The following MCF2L variants were observed in gnomAD, a reference collection of about 807,000 sequenced individuals.
The protein encoded by MCF2L is MCF.2 cell line derived transforming sequence like, also known as guanine nucleotide exchange factor DBS.
In MCF2L, 97 loss-of-function variants were observed where a neutral mutation model predicts 153.4. The observed-to-expected ratio is 0.63, with a 90% CI of 0.54 to 0.75. MCF2L has a LOEUF of 0.75. MCF2L is among the 30% of genes least tolerant of loss of function. The pLI is 0.00. For synonymous variants in MCF2L, 659 were observed against 632.2 expected (o/e 1.04, Z -0.64); for missense variants, 1,347 against 1,495.2 (o/e 0.90, Z 1.64).
rs1230929741 is a variant in MCF2L, at chr13:112,983,051, G to T, written c.79+13593G>T. 1.3e-5 allele frequency among the ~76,000 whole-genome samples: 2 copies of T among 152,120 alleles called. No homozygotes were observed. The highest frequency in any genetic ancestry group is 2.9e-5 in the Non-Finnish European group (2 of 68,012). On this transcript the variant is annotated intron_variant, in intron 1 of 29. Coordinates refer to ENST00000535094, the MANE Select transcript of MCF2L (RefSeq NM_001112732.3). This position sits in a 1 kb window ranked among gnomAD's most constrained non-coding sequence, Gnocchi z 4.0. ...AAAGCACTTCCTGATGCCTTTGGGT[G>T]TGGAAAGTGGTGGGGGCAGCCAGGC...
intron 1 of MCF2L, among the ~76,000 whole-genome samples, chr13:112,990,011 A>C (rs2082836495): frequency 6.6e-6 from 1 of 152,188 alleles, no homozygotes; most frequent in South Asian, 2.1e-4. Context: ...ATCAAACGCC[A>C]CTGCTGATCT....
intron 15 of MCF2L, among the ~76,000 whole-genome samples, chr13:113,079,401 C>A (rs1469934933): frequency 6.7e-6 from 1 of 150,274 alleles, no homozygotes; most frequent in Non-Finnish European, 1.5e-5. Context: ...AGGCCACACA[C>A]CGACCAGGCA....
chr13:112,961,186 C>A (rs916046010), intron 2 of MCF2L, among the ~76,000 whole-genome samples: 1 of 152,118 alleles, frequency 6.6e-6, no homozygotes, highest in Non-Finnish European at 1.5e-5. Flanking sequence ...TCTGAAGATG[C>A]GGGCTGCTAA....
At position 113,041,958 on chromosome 13, in the gene MCF2L, A is replaced by T. The variant is rs537194637; in HGVS notation, c.279-3313A>T. Among the ~76,000 whole-genome samples the T allele has an allele frequency of 1.2e-4, 19 of 152,284 alleles. 1 individual carries two copies. The highest frequency in any genetic ancestry group is 4.1e-4 in the African/African-American group (17 of 41,546). Reference sequence around the variant, plus strand: ...GCTATGTGACTTTGGGCAAGTGACTAAAGCTCTCTGTGCCTGGAGAGGATC... The same window carrying T: ...GCTATGTGACTTTGGGCAAGTGACTTAAGCTCTCTGTGCCTGGAGAGGATC... On this transcript the variant is annotated intron_variant, in intron 3 of 29. Transcript: ENST00000535094.
rs751937624 is a variant in MCF2L, at chr13:113,088,328, C to A, written c.2690C>A (p.Ala897Glu). 1 of 1,613,790 alleles carries A rather than the reference C, an allele frequency of 6.2e-7. No individual in the cohort carries two copies. Among genetic ancestry groups the A allele is most frequent in the Non-Finnish European group, 8.5e-7 (1 of 1,179,872 alleles). ...CTGGCGTTTCTTTTGGGGAAACAGG[C>A]GCCAACTCCTGAGATTAAAGCCGCG... ...NAREEVYIVQAPTPEIKAAWV... is the reference protein window; with the variant it reads ...NAREEVYIVQEPTPEIKAAWV... The change falls in exon 24 of 30, where the codon GCG becomes GAG. Residue 897 changes from alanine (A) to glutamate (E), a missense_variant and splice_region_variant. Coordinates refer to ENST00000535094, the MANE Select transcript of MCF2L (RefSeq NM_001112732.3).
At chr13:112,899,330 G>T (rs944670174) in intron 1 of MCF2L, among the ~76,000 whole-genome samples, 5 of 152,216 alleles carry the variant, frequency 3.3e-5, no homozygotes, top group Admixed American at 6.5e-5. Context: ...GCTTCTCAAG[G>T]TTTTGCCCAG....
At chr13:113,000,601 C>A (rs1322842546) in intron 1 of MCF2L, among the ~76,000 whole-genome samples, 1 of 152,210 alleles carries the variant, frequency 6.6e-6, no homozygotes, top group East Asian at 1.9e-4. Flanking sequence ...CAGGGCCTGG[C>A]GAGGCCACGC....
intron 4 of MCF2L, among the ~76,000 whole-genome samples, chr13:113,056,329 T>G (rs1197277765): frequency 7.8e-5 from 10 of 128,348 alleles, no homozygotes; most frequent in South Asian, 2.6e-4. Context: ...GTGCTGAGTG[T>G]TTCGGTGCTG....
chr13:113,004,775 C>T (rs951848913), intron 1 of MCF2L, among the ~76,000 whole-genome samples: 3 of 152,230 alleles, frequency 2.0e-5, no homozygotes, highest in African/African-American at 7.2e-5. Flanking sequence ...GGTGATGACA[C>T]CAAGCACACG....
At chr13:113,021,934 G>C (rs72661990) in intron 2 of MCF2L, among the ~76,000 whole-genome samples, 27,624 of 152,156 alleles carry the variant, frequency 0.18, 2,674 homozygotes, top group East Asian at 0.29. Flanking sequence ...CCAACTGAAC[G>C]AGGCTGTGCG....
intron 4 of MCF2L, among the ~76,000 whole-genome samples, chr13:113,055,383 CACACACACACA>C (rs2087680400): frequency 4.1e-4 from 1 of 2,440 alleles, no homozygotes; most frequent in Non-Finnish European, 1.6e-3. Flanking sequence ...CCCCCCCCGC[CACACACACACA>C]CACACACACA....
intron 2 of MCF2L, among the ~76,000 whole-genome samples, chr13:112,913,253 G>A (rs895083402): frequency 1.3e-5 from 2 of 150,238 alleles, no homozygotes; most frequent in African/African-American, 2.5e-5. Context: ...TGTGTCTGGT[G>A]TATCTCTGTG....
chr13:113,010,172 TTC>T (rs1165983009), intron 1 of MCF2L: 1 of 123,928 alleles, frequency 8.1e-6, no homozygotes, highest in African/African-American at 3.1e-5. Context: ...CCAGTCCCCG[TTC>T]TCTCTGCTGC....
intron 2 of MCF2L, among the ~76,000 whole-genome samples, chr13:112,940,394 C>A (rs771063386): frequency 6.6e-6 from 1 of 152,322 alleles, no homozygotes; most frequent in South Asian, 2.1e-4. Flanking sequence ...GAACTGAATG[C>A]AGAATTCCGG....
intron 2 of MCF2L, 140 bp downstream of exon 2, chr13:113,014,986 C>A: frequency 1.4e-6 from 1 of 691,874 alleles, no homozygotes; most frequent in Non-Finnish European, 2.5e-6. Context: ...TTGGGTCTGA[C>A]CTGTGACCTG....
intron 2 of MCF2L, among the ~76,000 whole-genome samples, chr13:112,947,202 G>A (rs188421263): frequency 4.2e-4 from 64 of 152,232 alleles, no homozygotes; most frequent in African/African-American, 1.5e-3. Context: ...CAAAGACCCC[G>A]CCTGTTCACA....
chr13:113,048,875 T>C (rs186892813), intron 4 of MCF2L, among the ~76,000 whole-genome samples: 1 of 152,204 alleles, frequency 6.6e-6, no homozygotes, highest in African/African-American at 2.4e-5. Context: ...GTGAGGACAG[T>C]TGAGGGGCAT....
rs534884663 is a variant in MCF2L at position 113,004,749 on chromosome 13, G to A, written c.80-10014G>A. Among the ~76,000 whole-genome samples the A allele has an allele frequency of 2.5e-4, 38 of 152,328 alleles. 1 individual carries two copies. In the South Asian group the frequency reaches 7.7e-3, roughly 31 times the overall value. ...AGTGAGTGTCTTTCCTGTGGCAGCC[G>A]CTGGCCCACGTGTGTGGTGATGACA... is the stretch of plus-strand genomic sequence containing the variant. On this transcript the variant is annotated intron_variant, in intron 1 of 29. Transcript: ENST00000535094.
chr13:113,072,636 G>A lies in MCF2L; in HGVS notation c.997-1808G>A, dbSNP rs576779125. ...AGTGTGCTTTTCAAGGCAATGTGTA[G>A]GGTTGTTTATAGTATTCTTTCTTAT... On this transcript the variant is annotated intron_variant, in intron 9 of 29. Transcript: ENST00000535094. 5.3e-5 allele frequency among the ~76,000 whole-genome samples: 8 copies of A among 152,292 alleles called. No homozygotes were observed. In the South Asian group the frequency reaches 1.0e-3, roughly 20 times the overall value.
Sources: gnomAD v4.1 joint callset for allele counts (sites outside exome capture counted in the v4.1 genomes callset) on GRCh38, gnomAD v4.1.1 for gene constraint, Gnocchi (gnomAD v3.1) non-coding constraint, MANE v1.5 for transcripts, NCBI Gene and HGNC (gene_info 2026-07-23, HGNC 2026-07-21) for gene names.